NODAL: variants seen among roughly 807,000 people sequenced by gnomAD.
NODAL encodes the protein nodal growth differentiation factor.
A neutral mutation model predicts 34.0 loss-of-function variants in NODAL; 12 were observed. The ratio of observed to expected loss-of-function variants is 0.35; its 90% CI spans 0.23 to 0.57. The LOEUF (loss-of-function observed/expected upper bound fraction) is 0.57, where lower values mean the gene tolerates loss of function less well. NODAL is among the 20% of genes least tolerant of loss of function. The probability of loss-of-function intolerance (pLI) is 0.83; values close to 1 mark genes in which losing one functional copy is unlikely to be tolerated. For missense variants in NODAL, 390 were observed against 444.2 expected (o/e 0.88, Z 1.10); for synonymous variants, 162 against 186.4 (o/e 0.87, Z 1.07).
rs368428820 is a variant in NODAL, at chr10:70,436,199, T to A, written c.194-216A>T. The A allele has an allele frequency of 8.5e-6, 5 of 591,680 alleles. No individual in the cohort carries two copies. The East Asian group carries it at 8.7e-5, about 10-fold the overall frequency. 36.7% of individuals were successfully genotyped at this position (591,680 alleles called of 1,614,324 possible). A position where few individuals can be genotyped will look rare whatever the true frequency, so the allele number is the denominator to read the frequency against. ...GTGTGGTTAAAAGATCTGACCAAGG[T>A]GTCATTCTTGGAAGGTGGCAGAGCC... On this transcript the variant is annotated intron_variant, in intron 1 of 2. Coordinates refer to ENST00000287139, the MANE Select transcript of NODAL (RefSeq NM_018055.5).
In NODAL at chr10:70,440,839, A is replaced by G. The variant is rs559070064; in HGVS notation, c.193+636T>C. ...ACAGTTCGCGACTTCGGGACAGCCCATCCCTGATCTCCGGGCCGTGAGCCC... is the reference window on the plus strand; with the variant it reads ...ACAGTTCGCGACTTCGGGACAGCCCGTCCCTGATCTCCGGGCCGTGAGCCC... On this transcript the variant is annotated intron_variant, in intron 1 of 2. Coordinates refer to ENST00000287139, the MANE Select transcript of NODAL (RefSeq NM_018055.5). Among the ~76,000 whole-genome samples, 13 of 152,242 alleles carry G rather than the reference A, an allele frequency of 8.5e-5. No individual in the cohort carries two copies. The South Asian group carries it at 2.7e-3, about 32-fold the overall frequency.
In NODAL at chr10:70,434,527, T is replaced by A. The variant is rs558742216; in HGVS notation, c.891+759A>T. 5.9e-5 allele frequency among the ~76,000 whole-genome samples: 9 copies of A among 152,296 alleles called. No individual in the cohort carries two copies. The South Asian group carries it at 1.9e-3, about 32-fold the overall frequency. On this transcript the variant is annotated intron_variant, in intron 2 of 2. Coordinates refer to ENST00000287139, the MANE Select transcript of NODAL (RefSeq NM_018055.5). ...ACAGGCATGTGCCACAACACCCGGCTGATTTTTGTATTTTTAGTAGAGACG... is the reference window on the plus strand; with the variant it reads ...ACAGGCATGTGCCACAACACCCGGCAGATTTTTGTATTTTTAGTAGAGACG...
chr10:70,434,003 G>T (rs1845306092), intron 2 of NODAL, among the ~76,000 whole-genome samples: 1 of 152,102 alleles, frequency 6.6e-6, no homozygotes, highest in African/African-American at 2.4e-5. Flanking sequence ...CCTGGGTGAG[G>T]CTCAGGACAG....
rs765840635 is a variant in NODAL, at chr10:70,441,632, G to A, written c.36C>T (p.Ala12=). The A allele has an allele frequency of 9.7e-6, 15 of 1,551,800 alleles. No individual in the cohort carries two copies. The highest frequency in any genetic ancestry group is 1.4e-5 in the African/African-American group (1 of 73,192). Residue 12 remains alanine, a synonymous_variant, in exon 1 of 3, where the codon GCC becomes GCT. Transcript: ENST00000287139. ...CACCCGCCTGGAGTAGGGCCCACCA[G>A]GCGTGCAGAAGGAAGGGCAGGCAGT... ...HAHCLPFLLH[A]WWALLQAGAA...
chr10:70,445,828 T>A (rs570101805), upstream of NODAL, among the ~76,000 whole-genome samples: 9 of 152,246 alleles, frequency 5.9e-5, no homozygotes, highest in South Asian at 1.9e-3. Flanking sequence ...TACTAAGACT[T>A]TTAAAAAAAC....
chr10:70,436,108 C>A, intron 1 of NODAL, 125 bp from the exon 2 acceptor site: 1 of 791,564 alleles, frequency 1.3e-6, no homozygotes, highest in Non-Finnish European at 2.2e-6. Flanking sequence ...TTCGAATTCT[C>A]ACCCCAACTC....
intron 2 of NODAL, 90 bp downstream of exon 2, chr10:70,435,196 C>T (rs1845327946): frequency 8.6e-7 from 1 of 1,162,400 alleles, no homozygotes; most frequent in Non-Finnish European, 1.2e-6. Flanking sequence ...ACTGTGAATA[C>T]AGGAACATAG....
chr10:70,440,706 A>C (rs1845419700), intron 1 of NODAL, among the ~76,000 whole-genome samples: 1 of 152,138 alleles, frequency 6.6e-6, no homozygotes, highest in Non-Finnish European at 1.5e-5. Flanking sequence ...ATACCCTCAG[A>C]TCCCTGCCGT....
chr10:70,436,052 A>T (rs1845349584), intron 1 of NODAL, 69 bp from the exon 2 acceptor site: 1 of 1,305,202 alleles, frequency 7.7e-7, no homozygotes, highest in East Asian at 2.3e-5. Flanking sequence ...TCAGTGTCAC[A>T]ACCACCATAG....
At chr10:70,447,405 G>A (rs1383634660) in intron 1 of NODAL, among the ~76,000 whole-genome samples, 1 of 152,064 alleles carries the variant, frequency 6.6e-6, no homozygotes, top group African/African-American at 2.4e-5. Context: ...AAGCATCAGG[G>A]CGGGGTGTGG....
intron 1 of NODAL, among the ~76,000 whole-genome samples, chr10:70,439,365 C>T (rs1007701739): frequency 6.6e-6 from 1 of 152,132 alleles, no homozygotes; most frequent in African/African-American, 2.4e-5. Context: ...TCACCGACAC[C>T]GCCGTCCCCA....
At chr10:70,446,875 G>A (rs1845493375) in intron 1 of NODAL, among the ~76,000 whole-genome samples, 2 of 152,186 alleles carry the variant, frequency 1.3e-5, no homozygotes, top group Non-Finnish European at 2.9e-5. Context: ...TATTTGCTAA[G>A]TGATTGAACC....
rs1180997172 is a variant in NODAL, at chr10:70,435,467, C to T, written c.710G>A (p.Arg237Gln). ...TTGACTTCTGTCTGGCAAGTGATGT[C>T]GACGGTGCCTCTTGCCCCACTCCCA... The part of the protein sequence containing the change: ...LSWEWGKRHR[R>Q]HHLPDRSQLC... The change falls in exon 2 of 3, where the codon CGA becomes CAA. Residue 237 changes from arginine to glutamine, a missense_variant. Physicochemically the swap from Arg to Gln is conservative, Grantham distance 43. Transcript: ENST00000287139. 3 of 1,614,058 alleles carry T rather than the reference C, an allele frequency of 1.9e-6. No individual in the cohort carries two copies. The highest frequency in any genetic ancestry group is 1.3e-5 in the African/African-American group (1 of 74,926).
intron 1 of NODAL, chr10:70,447,915 C>T (rs1039931658): frequency 1.7e-5 from 8 of 471,000 alleles, no homozygotes; most frequent in African/African-American, 1.0e-4. Context: ...ACAAGTCTCT[C>T]GCTTCTACCT....
rs1845274801 is a variant in NODAL, at chr10:70,432,367, G to T, written c.*569C>A. The stretch of plus-strand genomic sequence containing the variant: ...AGCTCATTAGCAGAGAACCACTCCA[G>T]TGAGCCTCTGGACAAGGCCAGTAGA... On this transcript the variant is annotated 3_prime_UTR_variant, in exon 3 of 3. Coordinates refer to ENST00000287139, the MANE Select transcript of NODAL (RefSeq NM_018055.5). 5.7e-6 allele frequency: 1 copy of T among 176,172 alleles called. No individual in the cohort carries two copies. Among genetic ancestry groups the T allele is most frequent in the Non-Finnish European group, 1.2e-5 (1 of 81,344 alleles). The allele number at this position is 176,172 out of a possible 1,614,324, so 10.9% of individuals were successfully genotyped here.
chr10:70,439,302 C>T (rs1589153718), intron 1 of NODAL, among the ~76,000 whole-genome samples: 1 of 152,130 alleles, frequency 6.6e-6, no homozygotes, highest in South Asian at 2.1e-4. Context: ...GTGCCCGGCC[C>T]CACCTCCAGT....
intron 1 of NODAL, among the ~76,000 whole-genome samples, chr10:70,440,591 A>T (rs1437797563): frequency 6.6e-6 from 1 of 152,126 alleles, no homozygotes; most frequent in Admixed American, 6.5e-5. Context: ...GCGGCTGCCC[A>T]GGCGGCAGAA....
chr10:70,440,659 T>G (rs1564668982), intron 1 of NODAL, among the ~76,000 whole-genome samples: 1 of 152,182 alleles, frequency 6.6e-6, no homozygotes, highest in Non-Finnish European at 1.5e-5. Flanking sequence ...CTCGCCGCGC[T>G]GGGTGCCCAG....
upstream of NODAL, among the ~76,000 whole-genome samples, chr10:70,444,300 C>A (rs1845464702): frequency 6.8e-6 from 1 of 148,080 alleles, no homozygotes; most frequent in Non-Finnish European, 1.5e-5. Context: ...GCATGGTCAT[C>A]TACATATTTC....
Sources: allele counts gnomAD v4.1 joint callset (sites outside exome capture counted in the v4.1 genomes callset), GRCh38; gene constraint gnomAD v4.1.1; transcripts MANE v1.5; gene names NCBI Gene and HGNC (gene_info 2026-07-23, HGNC 2026-07-21).